Variants in CAAP1 observed in about 807,000 individuals in gnomAD.
The protein encoded by CAAP1 is caspase activity and apoptosis inhibitor 1.
Under a neutral mutation model 34.0 loss-of-function variants are expected in CAAP1, and 20 were observed. The ratio of observed to expected loss-of-function variants is 0.59; its 90% confidence interval spans 0.41 to 0.86. CAAP1 has a LOEUF of 0.86. Ranked by LOEUF, CAAP1 falls within the 40% of genes least tolerant of loss-of-function variation. The pLI is 0.00. For synonymous variants in CAAP1, 213 were observed against 166.7 expected (o/e 1.28, Z -2.14); for missense variants, 538 against 450.5 (o/e 1.19, Z -1.76).
intron 4 of CAAP1, among the ~76,000 whole-genome samples, chr9:26,879,971 C>G (rs887812338): frequency 6.6e-6 from 1 of 152,064 alleles, no homozygotes; most frequent in African/African-American, 2.4e-5. Context: ...TTAATAAACT[C>G]CCTTTCACAT....
chr9:26,872,211 ACCT>A (rs2131324081), intron 4 of CAAP1, among the ~76,000 whole-genome samples: 1 of 152,088 alleles, frequency 6.6e-6, no homozygotes, highest in Admixed American at 6.6e-5. Flanking sequence ...CAGTCATTAA[ACCT>A]CCTACATTTA....
rs145054641 is a variant in CAAP1, at chr9:26,867,129, G to C, written c.666-5990C>G. ...ATGCCTGATAATCTGAGGTGGAACA[G>C]TTTCAGCCTGGTATCATCCTCCCCA... On this transcript the variant is annotated intron_variant, in intron 4 of 5. Coordinates refer to ENST00000333916, the MANE Select transcript of CAAP1 (RefSeq NM_024828.4). 3.9e-5 allele frequency among the ~76,000 whole-genome samples: 6 copies of C among 152,306 alleles called. No homozygotes were observed. In the East Asian group the frequency reaches 1.2e-3, roughly 29 times the overall value.
chr9:26,890,674 G>C (rs539708927), intron 1 of CAAP1, among the ~76,000 whole-genome samples: 1 of 151,718 alleles, frequency 6.6e-6, no homozygotes, highest in Admixed American at 6.5e-5. Context: ...GGCCGGGCAC[G>C]GTGGCTCACG....
chr9:26,865,698 A>G (rs12338391), intron 4 of CAAP1, among the ~76,000 whole-genome samples: 3,375 of 152,298 alleles, frequency 0.022, 124 homozygotes, highest in African/African-American at 0.077. Flanking sequence ...TGCTTACCAT[A>G]TGGCAAGTAC....
At chr9:26,858,451 T>G (rs887221868) in intron 5 of CAAP1, among the ~76,000 whole-genome samples, 4 of 152,222 alleles carry the variant, frequency 2.6e-5, no homozygotes, top group Admixed American at 2.0e-4. Flanking sequence ...ACTTATCCAT[T>G]ATGCAATAAA....
In CAAP1 at chr9:26,890,636, C is replaced by G. The variant is rs972033444; in HGVS notation, c.303+1777G>C. On this transcript the variant is annotated intron_variant, in intron 1 of 5. Coordinates refer to ENST00000333916, the MANE Select transcript of CAAP1 (RefSeq NM_024828.4). ...ACAAAAATAAAAACTACAGTCTGAT[C>G]TAATTTAGAAACATATACATAAAAG... 5.5e-4 allele frequency among the ~76,000 whole-genome samples: 83 copies of G among 151,946 alleles called. 1 individual carries two copies. The highest frequency in any genetic ancestry group is 1.8e-3 in the African/African-American group (73 of 41,324).
At chr9:26,848,950 T>C (rs1822679646) in intron 5 of CAAP1, among the ~76,000 whole-genome samples, 1 of 152,228 alleles carries the variant, frequency 6.6e-6, no homozygotes, top group South Asian at 2.1e-4. Flanking sequence ...TATTTATATG[T>C]CAGTGATGAA....
At chr9:26,851,802 T>A (rs1822758973) in intron 5 of CAAP1, among the ~76,000 whole-genome samples, 1 of 152,178 alleles carries the variant, frequency 6.6e-6, no homozygotes, top group African/African-American at 2.4e-5. Flanking sequence ...CAAGCAACTT[T>A]TCCCCCTCAA....
chr9:26,844,208 T>C (rs903073714), intron 5 of CAAP1, among the ~76,000 whole-genome samples: 2 of 151,824 alleles, frequency 1.3e-5, no homozygotes, highest in Non-Finnish European at 2.9e-5. Flanking sequence ...AAATACAAAA[T>C]TGGCCAGGCG....
chr9:26,881,262 C>G (rs1404239538), intron 4 of CAAP1, among the ~76,000 whole-genome samples: 1 of 152,170 alleles, frequency 6.6e-6, no homozygotes, highest in Non-Finnish European at 1.5e-5. Flanking sequence ...GTGTGAACCA[C>G]CATGCACAGT....
In CAAP1 at chr9:26,892,506, G is replaced by A. The variant is rs755808744; in HGVS notation, c.210C>T (p.Gly70=). 3.2e-5 allele frequency: 50 copies of A among 1,567,158 alleles called. No individual in the cohort carries two copies. The highest frequency in any genetic ancestry group is 4.2e-5 in the Non-Finnish European group (48 of 1,155,456). ...CGCTGCTCCCGCCCCAACAGCTGCCGCCGCTCCCACCGCCGGTGACACTTC... is the reference window on the plus strand; with the variant it reads ...CGCTGCTCCCGCCCCAACAGCTGCCACCGCTCCCACCGCCGGTGACACTTC... ...FSGSVTGGGS[G]GSCWGGSSVE... is the part of the protein sequence containing the mutation. The change falls in exon 1 of 6, where the codon GGC becomes GGT. Residue 70 remains glycine (G), a synonymous_variant. Transcript: ENST00000333916.
At chr9:26,863,936 T>C (rs1278420967) in intron 4 of CAAP1, among the ~76,000 whole-genome samples, 1 of 152,056 alleles carries the variant, frequency 6.6e-6, no homozygotes, top group Non-Finnish European at 1.5e-5. Flanking sequence ...GGGCTACAGA[T>C]GTACACCATC....
rs762266725 is a variant in CAAP1 at position 26,884,841 on chromosome 9, C to A, written c.634G>T (p.Gly212Cys). 3.7e-6 allele frequency: 6 copies of A among 1,609,518 alleles called. No individual in the cohort carries two copies. Among genetic ancestry groups the A allele is most frequent in the Non-Finnish European group, 4.2e-6 (5 of 1,179,304 alleles). The change falls in exon 4 of 6, where the codon GGT (glycine) becomes TGT (cysteine). Residue 212 changes from glycine to cysteine, a missense_variant. Physicochemically the swap from Gly to Cys is radical, Grantham distance 159. This residue lies in a region of CAAP1 where 514 missense variants were observed against 408.4 expected (regional missense o/e 1.26). Coordinates refer to ENST00000333916, the MANE Select transcript of CAAP1 (RefSeq NM_024828.4). ...DSDMEEEADD[G>C]SKMGSDLVSQ... ...ACTAAATCAGATCCCATCTTAGAAC[C>A]ATCATCTGCTTCCTCTTCCATATCA...
At position 26,892,657 on chromosome 9, in the gene CAAP1, GC is replaced by G; in HGVS notation, c.58del (p.Ala20ProfsTer110). ...KRRKRSSQEA[A>X]AALAAPDIVP... ...GATGTCCGGGGCCGCGAGCGCTGCG[GC>G]CGCCTCCTGACTGCTACGTTTGCGC... On this transcript the variant is annotated frameshift_variant, in exon 1 of 6. Coordinates refer to ENST00000333916, the MANE Select transcript of CAAP1 (RefSeq NM_024828.4). LOFTEE classifies it high-confidence loss of function. 5 of 1,607,350 alleles carry G rather than the reference GC, an allele frequency of 3.1e-6. No homozygotes were observed. Among genetic ancestry groups the G allele is most frequent in the Non-Finnish European group, 4.2e-6 (5 of 1,179,206 alleles).
chr9:26,879,620 A>T (rs183325363), intron 4 of CAAP1, among the ~76,000 whole-genome samples: 1 of 152,214 alleles, frequency 6.6e-6, no homozygotes, highest in African/African-American at 2.4e-5. Context: ...CCCATCCTCA[A>T]TCGGTGGGCA....
intron 4 of CAAP1, chr9:26,870,009 A>G: frequency 1.1e-6 from 1 of 937,612 alleles, no homozygotes; most frequent in Non-Finnish European, 1.3e-6. Flanking sequence ...ATACAGTTTA[A>G]AAGTTAGGTT....
At chr9:26,891,053 A>C (rs1349092638) in intron 1 of CAAP1, among the ~76,000 whole-genome samples, 1 of 152,256 alleles carries the variant, frequency 6.6e-6, no homozygotes, top group Non-Finnish European at 1.5e-5. Context: ...GACTCCAAAG[A>C]CTGTTCAACA....
At position 26,842,590 on chromosome 9, in the gene CAAP1, A is replaced by G. The variant is rs753035544; in HGVS notation, c.797T>C (p.Ile266Thr). Residue 266 changes from isoleucine to threonine, a missense_variant, in exon 6 of 6, where the codon ATA becomes ACA. Around this residue, in one of 3 missense-constraint regions of CAAP1, gnomAD observed 514 missense variants for 408.4 expected, o/e 1.26. Coordinates refer to ENST00000333916, the MANE Select transcript of CAAP1 (RefSeq NM_024828.4). ...SINADAYDSD[I>T]EGPCNEEAAA... ...TGCTTCTTCGTTGCATGGGCCTTCTATGTCGCTGTCATAAGCATCTGCATT... is the reference window on the plus strand; with the variant it reads ...TGCTTCTTCGTTGCATGGGCCTTCTGTGTCGCTGTCATAAGCATCTGCATT... 2.5e-6 allele frequency: 4 copies of G among 1,614,138 alleles called. No homozygotes were observed. The highest frequency in any genetic ancestry group is 8.5e-7 in the Non-Finnish European group (1 of 1,180,034).
chr9:26,851,348 G>C (rs898430568), intron 5 of CAAP1, among the ~76,000 whole-genome samples: 2 of 152,104 alleles, frequency 1.3e-5, no homozygotes, highest in Non-Finnish European at 2.9e-5. Context: ...CAAGTGTGAG[G>C]GACAGAATGG....
Sources: gnomAD v4.1 joint callset for allele counts (sites outside exome capture counted in the v4.1 genomes callset) on GRCh38, gnomAD v4.1.1 for gene constraint, gnomAD v4.1.1 regional missense constraint, MANE v1.5 for transcripts, NCBI Gene and HGNC (gene_info 2026-07-23, HGNC 2026-07-21) for gene names.